The following DZIP1 variants were observed in gnomAD, a reference collection of about 807,000 sequenced individuals.
DZIP1 encodes DAZ interacting zinc finger protein 1.
Under a neutral mutation model 107.6 loss-of-function variants are expected in DZIP1, and 97 were observed. The ratio of observed to expected loss-of-function variants is 0.90; its 90% CI spans 0.77 to 1.07. The LOEUF (loss-of-function observed/expected upper bound fraction) is 1.07. DZIP1 is among the 50% of genes least tolerant of loss of function. The pLI, the probability that DZIP1 is intolerant of heterozygous loss-of-function variation, is 0.00. For synonymous variants in DZIP1, 390 were observed against 386.4 expected (o/e 1.01, Z -0.11); for missense variants, 1,035 against 1,063.6 (o/e 0.97, Z 0.37).
intron 7 of DZIP1, among the ~76,000 whole-genome samples, chr13:95,626,466 T>A (rs1485097900): frequency 6.6e-6 from 1 of 152,128 alleles, no homozygotes; most frequent in Non-Finnish European, 1.5e-5. Flanking sequence ...AATAGACAAA[T>A]TCCTACACAA....
At chr13:95,597,974 G>A (rs1200452452) in intron 15 of DZIP1, among the ~76,000 whole-genome samples, 3 of 152,156 alleles carry the variant, frequency 2.0e-5, no homozygotes, top group Non-Finnish European at 4.4e-5. Flanking sequence ...GGTGCTGGAA[G>A]TGTCTGGGAA....
chr13:95,611,272 T>C (rs1251412810), intron 12 of DZIP1, among the ~76,000 whole-genome samples, 173 bp downstream of exon 12: 7 of 152,184 alleles, frequency 4.6e-5, no homozygotes, highest in African/African-American at 1.7e-4. Context: ...CCTTTCTGGG[T>C]TGTGGTAACA....
intron 5 of DZIP1, among the ~76,000 whole-genome samples, chr13:95,639,578 G>A (rs1878236347): frequency 8.0e-6 from 1 of 124,954 alleles, no homozygotes. Flanking sequence ...GCGACAGAGT[G>A]AGACTCCATC....
Position 95,599,406 on chromosome 13 carries a change from T to C in DZIP1, c.1496A>G (p.His499Arg), listed in dbSNP as rs1474116866. The C allele has an allele frequency of 6.2e-7, 1 of 1,613,736 alleles. No homozygotes were observed. Among genetic ancestry groups the C allele is most frequent in the Non-Finnish European group, 8.5e-7 (1 of 1,179,828 alleles). ...AAGTTCTTCTATTGGTTCCAGTATG[T>C]GCGACGAGAATGCCTGTTCTATTAA... is the stretch of plus-strand genomic sequence containing the variant. ...PMVHEQAFSS[H>R]ILEPIEELSE... Residue 499 changes from histidine (H) to arginine (R), a missense_variant, in exon 15 of 23, where the codon CAC (histidine) becomes CGC (arginine). Coordinates refer to ENST00000376829, the MANE Select transcript of DZIP1 (RefSeq NM_198968.4).
intron 14 of DZIP1, among the ~76,000 whole-genome samples, chr13:95,600,590 T>TAGATAGATA (rs1555306565): frequency 9.9e-4 from 141 of 141,776 alleles, no homozygotes; most frequent in East Asian, 2.7e-3. Flanking sequence ...GATAGATAGA[T>TAGATAGATA]GATAGATAGA....
At chr13:95,603,117 T>A (rs2076981310) in intron 14 of DZIP1, among the ~76,000 whole-genome samples, 1 of 151,884 alleles carries the variant, frequency 6.6e-6, no homozygotes, top group African/African-American at 2.4e-5. Flanking sequence ...TCCAGGTGTT[T>A]GAAACCAGCC....
At chr13:95,599,334 T>G in intron 15 of DZIP1, 31 bp downstream of exon 15, 1 of 1,592,460 alleles carries the variant, frequency 6.3e-7, no homozygotes, top group Non-Finnish European at 8.6e-7. Flanking sequence ...ATATAATCTG[T>G]GCAGGTAAAC....
chr13:95,626,956 G>A (rs1186354625), intron 7 of DZIP1, among the ~76,000 whole-genome samples: 3 of 152,176 alleles, frequency 2.0e-5, no homozygotes, highest in Non-Finnish European at 4.4e-5. Flanking sequence ...GCAATCAAGA[G>A]ATTCAATGTA....
At chr13:95,594,880 T>TA (rs33911437) in intron 15 of DZIP1, among the ~76,000 whole-genome samples, 5 of 150,780 alleles carry the variant, frequency 3.3e-5, no homozygotes, top group Admixed American at 2.6e-4. Flanking sequence ...ATTCCCCACT[T>TA]AAAAAAAAAA....
rs867019090 is a variant in DZIP1, at chr13:95,642,041, G to A, written c.-12C>T. On this transcript the variant is annotated 5_prime_UTR_variant, in exon 4 of 23. Transcript: ENST00000376829. ...GCCTCAGCTTGCATAGGAGGAGCCG[G>A]GCGGTCTTTACCCAGCCTGGGCCGC... 1 of 1,566,430 alleles carries A rather than the reference G, an allele frequency of 6.4e-7. No homozygotes were observed. The highest frequency in any genetic ancestry group is 1.2e-5 in the South Asian group (1 of 86,820).
rs541753280 is a variant in DZIP1 at position 95,644,553 on chromosome 13, G to C, written c.-702C>G. 1 of 152,882 alleles carries C rather than the reference G, an allele frequency of 6.5e-6. No homozygotes were observed. The highest frequency in any genetic ancestry group is 2.1e-4 in the South Asian group (1 of 4,842). 9.5% of individuals were successfully genotyped at this position (152,882 alleles called of 1,614,324 possible). A position where few individuals can be genotyped will look rare whatever the true frequency, so the allele number is the denominator to read the frequency against. ...CAGGGCGCAGGATGAAACGTGTCTG[G>C]TCTGGGCAAGTTGTGGCGAGGCGGG... On this transcript the variant is annotated 5_prime_UTR_variant, in exon 1 of 23. Transcript: ENST00000376829.
chr13:95,597,372 T>C (rs1309034831), intron 15 of DZIP1, among the ~76,000 whole-genome samples: 3 of 152,356 alleles, frequency 2.0e-5, no homozygotes, highest in South Asian at 4.1e-4. Flanking sequence ...TATGGGATTT[T>C]ATATCTTGGA....
At chr13:95,589,251 T>A in intron 18 of DZIP1, 44 bp from the exon 19 acceptor site, 1 of 1,425,190 alleles carries the variant, frequency 7.0e-7, no homozygotes, top group Non-Finnish European at 9.7e-7. Flanking sequence ...CATAAGTTAA[T>A]AATATAATTT....
chr13:95,582,926 T>G (rs1230156177), intron 22 of DZIP1, among the ~76,000 whole-genome samples: 1 of 152,188 alleles, frequency 6.6e-6, no homozygotes, highest in East Asian at 1.9e-4. Context: ...AGAGTCACTC[T>G]AATGCCAACA....
chr13:95,622,875 T>A (rs988157689), intron 8 of DZIP1, among the ~76,000 whole-genome samples: 3 of 152,012 alleles, frequency 2.0e-5, no homozygotes, highest in Non-Finnish European at 4.4e-5. Flanking sequence ...CCTAGGTAGC[T>A]GGGACTACAG....
In DZIP1 at chr13:95,612,107, T is replaced by G. The variant is rs1356631154; in HGVS notation, c.1244A>C (p.Lys415Thr). 2 of 1,613,828 alleles carry G rather than the reference T, an allele frequency of 1.2e-6. No individual in the cohort carries two copies. The highest frequency in any genetic ancestry group is 1.7e-6 in the Non-Finnish European group (2 of 1,180,024). Reference sequence around the variant, plus strand: ...CTGCCCTAGCTCTTCTATCCTTTTCTTATAGAAAACATTGCTTGCATTTAG... The same window carrying G: ...CTGCCCTAGCTCTTCTATCCTTTTCGTATAGAAAACATTGCTTGCATTTAG... ...DDLNASNVFYKKRIEELGQRL... is the reference protein window; with the variant it reads ...DDLNASNVFYTKRIEELGQRL... Residue 415 changes from lysine to threonine, a missense_variant, in exon 11 of 23, where the codon AAG becomes ACG. Coordinates refer to ENST00000376829, the MANE Select transcript of DZIP1 (RefSeq NM_198968.4).
chr13:95,623,871 AGAGGTTGCAGT>A (rs1364221840), intron 8 of DZIP1, among the ~76,000 whole-genome samples: 1 of 152,194 alleles, frequency 6.6e-6, no homozygotes, highest in Non-Finnish European at 1.5e-5. Flanking sequence ...CCCAGGAGGC[AGAGGTTGCAGT>A]GAGCTGAGAT....
intron 5 of DZIP1, among the ~76,000 whole-genome samples, chr13:95,636,200 A>AC (rs1877793136): frequency 6.6e-6 from 1 of 150,500 alleles, no homozygotes; most frequent in Non-Finnish European, 1.5e-5. Flanking sequence ...AAAATACAAA[A>AC]AAAAAAAAAA....
intron 5 of DZIP1, among the ~76,000 whole-genome samples, chr13:95,638,622 C>A (rs1461659421): frequency 7.3e-6 from 1 of 136,934 alleles, no homozygotes; most frequent in Non-Finnish European, 1.6e-5. Context: ...GCCATCACTA[C>A]CCCCCTTATA....
Sources: allele counts gnomAD v4.1 joint callset (sites outside exome capture counted in the v4.1 genomes callset), GRCh38; gene constraint gnomAD v4.1.1; transcripts MANE v1.5; gene names NCBI Gene and HGNC (gene_info 2026-07-23, HGNC 2026-07-21).